The following CNIH3 variants were observed in gnomAD, a reference collection of about 807,000 sequenced individuals.
The protein encoded by CNIH3 is cornichon family AMPA receptor auxiliary protein 3, also known as protein cornichon homolog 3.
Under a neutral mutation model 24.1 loss-of-function variants are expected in CNIH3, and 14 were observed. That is an observed-to-expected ratio of 0.58 (90% CI 0.38 to 0.91). The LOEUF (loss-of-function observed/expected upper bound fraction) is 0.91. CNIH3 is among the 40% of genes least tolerant of loss of function. The probability of loss-of-function intolerance (pLI) is 0.00; values close to 1 mark genes in which losing one functional copy is unlikely to be tolerated. For synonymous variants in CNIH3, 68 were observed against 73.8 expected (o/e 0.92, Z 0.40); for missense variants, 178 against 196.8 (o/e 0.90, Z 0.57).
intron 3 of CNIH3, among the ~76,000 whole-genome samples, chr1:224,698,438 A>G (rs1687294508): frequency 6.6e-6 from 1 of 152,212 alleles, no homozygotes; most frequent in African/African-American, 2.4e-5. Flanking sequence ...GCGCACCAGC[A>G]TAAGGTAGCA....
chr1:224,694,625 T>C (rs1021340002), intron 3 of CNIH3, among the ~76,000 whole-genome samples: 2 of 152,240 alleles, frequency 1.3e-5, no homozygotes, highest in African/African-American at 4.8e-5. Flanking sequence ...AAAAGACACA[T>C]GCACACACAT....
intron 1 of CNIH3, among the ~76,000 whole-genome samples, chr1:224,626,975 C>T (rs1326867460): frequency 6.6e-6 from 1 of 152,168 alleles, no homozygotes; most frequent in Non-Finnish European, 1.5e-5. Context: ...GTTTGTTCTT[C>T]TCCAGGTACA....
intron 1 of CNIH3, among the ~76,000 whole-genome samples, chr1:224,462,897 C>CTTTTTTTTTTT (rs71572901): frequency 2.7e-5 from 2 of 73,402 alleles, no homozygotes; most frequent in Non-Finnish European, 4.9e-5. Context: ...ATATGTTTAA[C>CTTTTTTTTTTT]TTTTTTTTTT....
chr1:224,449,387 G>A (rs1285335800), intron 1 of CNIH3, among the ~76,000 whole-genome samples: 5 of 152,042 alleles, frequency 3.3e-5, no homozygotes, highest in Non-Finnish European at 7.4e-5. Context: ...CATCTCCATT[G>A]CCACTAATAG....
At position 224,645,444 on chromosome 1, in the gene CNIH3, G is replaced by A. The variant is rs902948721; in HGVS notation, c.81+28189G>A. On this transcript the variant is annotated intron_variant, in intron 1 of 5. Coordinates refer to ENST00000272133, the MANE Select transcript of CNIH3 (RefSeq NM_152495.2). ...TTCAGCGTTGTACTGGATTGCACGCGTGTTACAGAGCGTGCTGTGGAAGAT... is the reference window on the plus strand; with the variant it reads ...TTCAGCGTTGTACTGGATTGCACGCATGTTACAGAGCGTGCTGTGGAAGAT... 5.9e-5 allele frequency among the ~76,000 whole-genome samples: 9 copies of A among 152,380 alleles called. No homozygotes were observed. The South Asian group carries it at 8.3e-4, about 14-fold the overall frequency.
At chr1:224,711,132 G>A (rs923603763) in intron 3 of CNIH3, among the ~76,000 whole-genome samples, 2 of 152,130 alleles carry the variant, frequency 1.3e-5, no homozygotes, top group Non-Finnish European at 2.9e-5. Flanking sequence ...AATTAAACGC[G>A]ATCCGAGGTA....
At chr1:224,635,278 C>A (rs373308485) in intron 1 of CNIH3, among the ~76,000 whole-genome samples, 10 of 152,266 alleles carry the variant, frequency 6.6e-5, no homozygotes, top group African/African-American at 2.4e-4. Context: ...AATCACCTCC[C>A]ACCAGGCCCC....
chr1:224,628,337 T>G (rs1353837), intron 1 of CNIH3, among the ~76,000 whole-genome samples: 98,895 of 152,064 alleles, frequency 0.65, 33,773 homozygotes, highest in African/African-American at 0.85. Flanking sequence ...TTAATGGCAC[T>G]AAGTGCATTC....
chr1:224,672,038 C>G (rs971492870), intron 1 of CNIH3, among the ~76,000 whole-genome samples: 3 of 152,244 alleles, frequency 2.0e-5, no homozygotes, highest in Non-Finnish European at 4.4e-5. Flanking sequence ...ACTCATCTCT[C>G]ATTTTTTTCC....
At chr1:224,724,255 C>A (rs1160539899) in intron 3 of CNIH3, among the ~76,000 whole-genome samples, 1 of 152,178 alleles carries the variant, frequency 6.6e-6, no homozygotes, top group Non-Finnish European at 1.5e-5. Context: ...TCCCAGCTGG[C>A]GGAGTGTTCC....
intron 1 of CNIH3, among the ~76,000 whole-genome samples, chr1:224,485,693 A>G (rs1677000961): frequency 6.6e-6 from 1 of 152,156 alleles, no homozygotes; most frequent in African/African-American, 2.4e-5. Flanking sequence ...GAATCTCACT[A>G]TGTTGTGCAG....
chr1:224,493,900 G>T (rs1421838564), intron 1 of CNIH3, among the ~76,000 whole-genome samples: 1 of 152,132 alleles, frequency 6.6e-6, no homozygotes, highest in Admixed American at 6.5e-5. Context: ...ACACCACTTT[G>T]TGCTTATCAC....
intron 3 of CNIH3, among the ~76,000 whole-genome samples, chr1:224,562,961 G>A (rs1680434468): frequency 6.6e-6 from 1 of 152,192 alleles, no homozygotes; most frequent in Non-Finnish European, 1.5e-5. Flanking sequence ...TGAAGAGTGT[G>A]TAAAATGATT....
At chr1:224,562,202 G>T (rs984855540) in intron 3 of CNIH3, among the ~76,000 whole-genome samples, 3 of 151,922 alleles carry the variant, frequency 2.0e-5, no homozygotes, top group African/African-American at 7.3e-5. Flanking sequence ...CTCTTTAACC[G>T]GCTTTTGGAA....
intron 1 of CNIH3, among the ~76,000 whole-genome samples, chr1:224,438,058 A>G (rs1011766001): frequency 2.0e-5 from 3 of 151,858 alleles, no homozygotes; most frequent in Admixed American, 6.6e-5. Flanking sequence ...GACTACAGGC[A>G]ACCACCACCA....
chr1:224,559,464 G>A (rs891320368), intron 3 of CNIH3, among the ~76,000 whole-genome samples: 2 of 152,004 alleles, frequency 1.3e-5, no homozygotes, highest in African/African-American at 4.8e-5. Context: ...TCATGGGCTC[G>A]AGGGATCCTC....
intron 3 of CNIH3, among the ~76,000 whole-genome samples, chr1:224,709,825 AC>A (rs1297939491): frequency 6.6e-6 from 1 of 152,068 alleles, no homozygotes; most frequent in Non-Finnish European, 1.5e-5. Context: ...TTACAGTAGT[AC>A]CCCCTTATCC....
intron 4 of CNIH3, among the ~76,000 whole-genome samples, chr1:224,580,805 C>CAA (rs59069164): frequency 1.5e-4 from 18 of 117,706 alleles, no homozygotes; most frequent in South Asian, 5.2e-4. Flanking sequence ...GACTCTGTCT[C>CAA]AAAAAAAAAA....
At chr1:224,708,014 C>T (rs1687917121) in intron 3 of CNIH3, among the ~76,000 whole-genome samples, 1 of 152,214 alleles carries the variant, frequency 6.6e-6, no homozygotes, top group South Asian at 2.1e-4. Flanking sequence ...TATCCTCTGA[C>T]TCACCCCATC....
Sources: allele counts gnomAD v4.1 joint callset (sites outside exome capture counted in the v4.1 genomes callset), GRCh38; gene constraint gnomAD v4.1.1; transcripts MANE v1.5; gene names NCBI Gene and HGNC (gene_info 2026-07-23, HGNC 2026-07-21).